Variants in PPP1R9A observed in about 807,000 individuals in gnomAD.
PPP1R9A encodes protein phosphatase 1 regulatory subunit 9A.
Under a neutral mutation model 141.9 loss-of-function variants are expected in PPP1R9A, and 59 were observed. The ratio of observed to expected loss-of-function variants is 0.42; its 90% CI spans 0.34 to 0.52. The LOEUF is 0.52. PPP1R9A is among the 20% of genes least tolerant of loss of function. The pLI is 0.10. For missense variants in PPP1R9A, 1,444 were observed against 1,611.9 expected, an observed-to-expected ratio of 0.90 and a Z score of 1.78; for synonymous variants, 500 against 569.7, an observed-to-expected ratio of 0.88 and a Z score of 1.74.
intron 5 of PPP1R9A, among the ~76,000 whole-genome samples, chr7:95,175,757 C>A (rs563654726): frequency 6.6e-6 from 1 of 152,240 alleles, no homozygotes; most frequent in South Asian, 2.1e-4. Flanking sequence ...TGATCAATAA[C>A]TATGCATTCA....
At chr7:95,263,900 A>G (rs1049206589) in intron 12 of PPP1R9A, among the ~76,000 whole-genome samples, 17 of 152,194 alleles carry the variant, frequency 1.1e-4, no homozygotes, top group African/African-American at 2.9e-4. Context: ...CCACTCTTCT[A>G]AGCACTTTTA....
At chr7:95,185,908 C>G (rs561675711) in intron 5 of PPP1R9A, among the ~76,000 whole-genome samples, 78 of 152,186 alleles carry the variant, frequency 5.1e-4, no homozygotes, top group African/African-American at 1.8e-3. Context: ...ATACCAGTAC[C>G]ATGCTGTTTT....
chr7:95,038,375 G>T (rs1298893994), intron 2 of PPP1R9A, among the ~76,000 whole-genome samples: 2 of 152,042 alleles, frequency 1.3e-5, no homozygotes, highest in Non-Finnish European at 2.9e-5. Context: ...TATTCAGCAG[G>T]GTGTGACTTA....
chr7:95,267,753 G>A, intron 12 of PPP1R9A, among the ~76,000 whole-genome samples: 1 of 152,138 alleles, frequency 6.6e-6, no homozygotes, highest in Non-Finnish European at 1.5e-5. Flanking sequence ...GTTTCTGGTG[G>A]GGAGAGAAGG....
At chr7:94,985,306 T>C (rs1800673761) in intron 2 of PPP1R9A, among the ~76,000 whole-genome samples, 1 of 152,184 alleles carries the variant, frequency 6.6e-6, no homozygotes, top group Non-Finnish European at 1.5e-5. Context: ...TTTGTTGATT[T>C]GGGGTGGAGA....
At chr7:95,141,769 G>T (rs1584919857) in intron 4 of PPP1R9A, among the ~76,000 whole-genome samples, 1 of 151,968 alleles carries the variant, frequency 6.6e-6, no homozygotes, top group Middle Eastern at 3.4e-3. Flanking sequence ...TATTCATTTT[G>T]ATATTAGTTG....
chr7:95,270,918 G>A (rs1443348734), intron 14 of PPP1R9A, among the ~76,000 whole-genome samples: 1 of 152,138 alleles, frequency 6.6e-6, no homozygotes, highest in African/African-American at 2.4e-5. Flanking sequence ...GCCTCTGCAA[G>A]TATAGATAGA....
At chr7:95,193,130 G>A (rs1314699601) in intron 5 of PPP1R9A, among the ~76,000 whole-genome samples, 1 of 152,116 alleles carries the variant, frequency 6.6e-6, no homozygotes, top group Admixed American at 6.5e-5. Flanking sequence ...TTCCACTTCT[G>A]TGTGCTTTCC....
intron 2 of PPP1R9A, among the ~76,000 whole-genome samples, chr7:94,962,316 T>G (rs892845622): frequency 2.6e-5 from 4 of 152,002 alleles, no homozygotes; most frequent in Middle Eastern, 3.2e-3. Context: ...GTGCCTTAGC[T>G]GTTCTTAGGT....
chr7:94,984,412 G>A (rs1276342966), intron 2 of PPP1R9A, among the ~76,000 whole-genome samples: 2 of 152,096 alleles, frequency 1.3e-5, no homozygotes. Flanking sequence ...AATGGGACCA[G>A]CTCCTTTCTG....
Position 95,017,751 on chromosome 7 carries a change from A to T in PPP1R9A, c.1396-93508A>T, listed in dbSNP as rs190201183. 4.1e-4 allele frequency among the ~76,000 whole-genome samples: 63 copies of T among 152,338 alleles called. 1 individual carries two copies. The highest frequency in any genetic ancestry group is 1.5e-3 in the African/African-American group (61 of 41,590). On this transcript the variant is annotated intron_variant, in intron 2 of 19. Coordinates refer to ENST00000433360, the MANE Select transcript of PPP1R9A (RefSeq NM_001166160.2). ...CAACACATTTTGGTATGATGAAATTATACACGATAGAGAATCTAAAAGTAG... is the reference window on the plus strand; with the variant it reads ...CAACACATTTTGGTATGATGAAATTTTACACGATAGAGAATCTAAAAGTAG...
chr7:95,009,797 AC>A (rs1804157211), intron 2 of PPP1R9A, among the ~76,000 whole-genome samples: 1 of 152,210 alleles, frequency 6.6e-6, no homozygotes, highest in African/African-American at 2.4e-5. Context: ...GGAATAGTGC[AC>A]ACAGCATATC....
At chr7:94,953,614 T>G (rs1050481548) in intron 2 of PPP1R9A, among the ~76,000 whole-genome samples, 1 of 152,172 alleles carries the variant, frequency 6.6e-6, no homozygotes, top group African/African-American at 2.4e-5. Context: ...TTCCATTTGT[T>G]TGTGTCCTCT....
intron 2 of PPP1R9A, among the ~76,000 whole-genome samples, chr7:95,004,797 T>C (rs1410060872): frequency 6.6e-6 from 1 of 152,160 alleles, no homozygotes; most frequent in African/African-American, 2.4e-5. Flanking sequence ...TGATGACAGA[T>C]GGGTACATGC....
intron 2 of PPP1R9A, among the ~76,000 whole-genome samples, chr7:94,912,003 A>G (rs1791505660): frequency 6.6e-6 from 1 of 152,070 alleles, no homozygotes; most frequent in South Asian, 2.1e-4. Context: ...GATTGTGAGG[A>G]ATTTTGTTGG....
At chr7:95,189,135 G>A (rs1179715912) in intron 5 of PPP1R9A, among the ~76,000 whole-genome samples, 1 of 152,150 alleles carries the variant, frequency 6.6e-6, no homozygotes, top group African/African-American at 2.4e-5. Context: ...GGCTTGTAGG[G>A]TTTCTGCTGA....
chr7:95,022,985 G>T (rs113340019), intron 2 of PPP1R9A, among the ~76,000 whole-genome samples: 4 of 152,220 alleles, frequency 2.6e-5, no homozygotes, highest in African/African-American at 9.6e-5. Flanking sequence ...GGATGATGCT[G>T]GCCTCATAAA....
intron 2 of PPP1R9A, among the ~76,000 whole-genome samples, chr7:94,949,148 G>T (rs1215893413): frequency 6.6e-6 from 1 of 152,128 alleles, no homozygotes; most frequent in Admixed American, 6.6e-5. Context: ...GTTTTGATTA[G>T]TCTAAGCAGA....
At chr7:94,915,961 A>G (rs1286032427) in intron 2 of PPP1R9A, among the ~76,000 whole-genome samples, 1 of 152,248 alleles carries the variant, frequency 6.6e-6, no homozygotes, top group Non-Finnish European at 1.5e-5. Flanking sequence ...TGTAGCTATC[A>G]GTCCAGGCAT....
Sources: allele counts gnomAD v4.1 joint callset (sites outside exome capture counted in the v4.1 genomes callset), GRCh38; gene constraint gnomAD v4.1.1; transcripts MANE v1.5; gene names NCBI Gene and HGNC (gene_info 2026-07-23, HGNC 2026-07-21).